The following DNAJC18 variants were observed in gnomAD, a reference collection of about 807,000 sequenced individuals.
DNAJC18 encodes dnaJ homolog subfamily C member 18.
DNAJC18 carries 40 observed loss-of-function variants against 48.6 expected under a neutral mutation model. That is an observed-to-expected ratio of 0.82 (90% CI 0.64 to 1.07). The LOEUF is 1.07. Ranked by LOEUF, DNAJC18 falls within the 50% of genes least tolerant of loss-of-function variation. DNAJC18 has a pLI of 0.00. For missense variants in DNAJC18, 340 were observed against 427.7 expected (o/e 0.79, Z 1.81); for synonymous variants, 135 against 152.2 (o/e 0.89, Z 0.83).
chr5:139,425,132 G>A lies in DNAJC18; in HGVS notation c.560-18C>T, dbSNP rs1256498916. On this transcript the variant is annotated intron_variant, in intron 4 of 7. Transcript: ENST00000302060. ...AATATTTCCTGGAAAAGAAATACATGGTATGGGATATGGCAAACACTCCTT... is the reference window on the plus strand; with the variant it reads ...AATATTTCCTGGAAAAGAAATACATAGTATGGGATATGGCAAACACTCCTT... 6.3e-7 allele frequency: 1 copy of A among 1,595,412 alleles called. No individual in the cohort carries two copies. The highest frequency in any genetic ancestry group is 1.7e-5 in the Admixed American group (1 of 59,782).
chr5:139,417,568 A>ATT (rs762169642), intron 7 of DNAJC18, among the ~76,000 whole-genome samples: 17 of 114,476 alleles, frequency 1.5e-4, no homozygotes, highest in Admixed American at 1.8e-4. Context: ...TACTCACTGG[A>ATT]TTTTTTTTTT....
Position 139,439,260 on chromosome 5 carries a change from C to G in DNAJC18, c.40+146G>C, listed in dbSNP as rs1051169522. 19 of 1,351,978 alleles carry G rather than the reference C, an allele frequency of 1.4e-5. No homozygotes were observed. Among genetic ancestry groups the G allele is most frequent in the Non-Finnish European group, 1.8e-5 (17 of 969,216 alleles). 83.7% of individuals were successfully genotyped at this position (1,351,978 alleles called of 1,614,324 possible). The stretch of plus-strand genomic sequence containing the variant: ...GTCCCCAGCTTCCCTACCCCATCCG[C>G]AACCCTACTCAGGCTCAGCATCTTT... On this transcript the variant is annotated intron_variant, in intron 1 of 7. Coordinates refer to ENST00000302060, the MANE Select transcript of DNAJC18 (RefSeq NM_152686.4). This position sits in a 1 kb window ranked among gnomAD's most constrained non-coding sequence, Gnocchi z 4.1.
At chr5:139,422,127 T>C (rs375361436) in intron 6 of DNAJC18, among the ~76,000 whole-genome samples, 223 of 152,266 alleles carry the variant, frequency 1.5e-3, no homozygotes, top group African/African-American at 4.9e-3. Context: ...AATCTGCCTT[T>C]CTAACATGTT....
At chr5:139,437,669 T>C in intron 1 of DNAJC18, 111 bp from the exon 2 acceptor site, 4 of 1,285,904 alleles carry the variant, frequency 3.1e-6, no homozygotes, top group Non-Finnish European at 4.2e-6. Flanking sequence ...GTAAGCATGA[T>C]GGCCAGGGCT....
rs1759017562 is a variant in DNAJC18 at position 139,413,091 on chromosome 5, G to GA, written c.*1056dup. The stretch of plus-strand genomic sequence containing the variant: ...CAGAGTTGTGAGGAGGTTTAAGTAA[G>GA]AAAATATGTGTGAGAGCCCCTGCTT... On this transcript the variant is annotated 3_prime_UTR_variant, in exon 8 of 8. Transcript: ENST00000302060. The GA allele has an allele frequency of 2.5e-6, 1 of 395,722 alleles. No individual in the cohort carries two copies. The highest frequency in any genetic ancestry group is 4.4e-5 in the Admixed American group (1 of 22,654). 24.5% of individuals were successfully genotyped at this position (395,722 alleles called of 1,614,324 possible).
At chr5:139,418,958 C>A in intron 7 of DNAJC18, 1 of 429,940 alleles carries the variant, frequency 2.3e-6, no homozygotes, top group Non-Finnish European at 4.7e-6. Context: ...GCAGGCTGAA[C>A]AAAGTGCTTT....
chr5:139,438,960 A>C (rs538465494), intron 1 of DNAJC18, among the ~76,000 whole-genome samples: 1 of 152,174 alleles, frequency 6.6e-6, no homozygotes, highest in African/African-American at 2.4e-5. Flanking sequence ...TATTGGATCA[A>C]TATTTTTTGC....
Position 139,439,273 on chromosome 5 carries a change from G to T in DNAJC18, c.40+133C>A. On this transcript the variant is annotated intron_variant, in intron 1 of 7. Coordinates refer to ENST00000302060, the MANE Select transcript of DNAJC18 (RefSeq NM_152686.4). The surrounding 1 kb of genome is among the most constrained non-coding windows in gnomAD (Gnocchi z 4.1). ...CTACCCCATCCGCAACCCTACTCAG[G>T]CTCAGCATCTTTTCACAGGCCTCTA... is the stretch of plus-strand genomic sequence containing the variant. The T allele has an allele frequency of 7.0e-7, 1 of 1,431,072 alleles. No individual in the cohort carries two copies. The highest frequency in any genetic ancestry group is 9.7e-7 in the Non-Finnish European group (1 of 1,034,270). 88.6% of individuals were successfully genotyped at this position (1,431,072 alleles called of 1,614,324 possible).
At chr5:139,435,535 G>A in intron 2 of DNAJC18, among the ~76,000 whole-genome samples, 1 of 151,830 alleles carries the variant, frequency 6.6e-6, no homozygotes, top group East Asian at 1.9e-4. Flanking sequence ...TTTTTACATT[G>A]CTGTATTTGT....
At chr5:139,423,070 G>C (rs751776631) in intron 5 of DNAJC18, among the ~76,000 whole-genome samples, 10 of 152,132 alleles carry the variant, frequency 6.6e-5, no homozygotes, top group East Asian at 1.9e-4. Flanking sequence ...CTGACCTCGT[G>C]ATCTGCCCAC....
chr5:139,422,356 C>A (rs1425358040), intron 6 of DNAJC18, among the ~76,000 whole-genome samples: 1 of 152,164 alleles, frequency 6.6e-6, no homozygotes, highest in East Asian at 1.9e-4. Flanking sequence ...CCCACAGGGT[C>A]CAGCAATCCT....
Position 139,428,429 on chromosome 5 carries a change from G to GA in DNAJC18, c.373+108dup, listed in dbSNP as rs1205461207. The GA allele has an allele frequency of 4.8e-5, 68 of 1,431,438 alleles. No individual in the cohort carries two copies. The East Asian group carries it at 1.0e-3, about 22-fold the overall frequency. The allele number at this position is 1,431,438 out of a possible 1,614,324, so 88.7% of individuals were successfully genotyped here. A position where few individuals can be genotyped will look rare whatever the true frequency, so the allele number is the denominator to read the frequency against. On this transcript the variant is annotated intron_variant, in intron 3 of 7. Transcript: ENST00000302060. Reference sequence around the variant, plus strand: ...CACTATTTAAGAGGTGTGGCAGGGGGAAAAAACCCTCCTTATGGCCTTATA... The same window carrying GA: ...CACTATTTAAGAGGTGTGGCAGGGGGAAAAAAACCCTCCTTATGGCCTTATA...
chr5:139,411,011 T>C lies in DNAJC18; in HGVS notation c.*3137A>G, dbSNP rs948870034. ...CTGGAACTCCTGACCTCAAATGATC[T>C]GCCTGCCTCAGCCTTTCAAAGTGCT... is the stretch of plus-strand genomic sequence containing the variant. On this transcript the variant is annotated 3_prime_UTR_variant, in exon 8 of 8. Transcript: ENST00000302060. The C allele has an allele frequency of 6.6e-6, 1 of 152,280 alleles. No homozygotes were observed. The highest frequency in any genetic ancestry group is 1.5e-5 in the Non-Finnish European group (1 of 68,094). The allele number at this position is 152,280 out of a possible 1,614,324, so 9.4% of individuals were successfully genotyped here.
In DNAJC18 at chr5:139,435,705, G is replaced by GTTTTTTTTTTTTT. The variant is rs377125785; in HGVS notation, c.227+1654_227+1666dup. Reference sequence around the variant, plus strand: ...GGGCCTGGACTTTTCTTCATTGGAAGTTTTTTTTTTTTTTTTTTTTTTTTT... The same window carrying GTTTTTTTTTTTTT: ...GGGCCTGGACTTTTCTTCATTGGAAGTTTTTTTTTTTTTTTTTTTTTTTTTTTTTTTTTTTTTT... On this transcript the variant is annotated intron_variant, in intron 2 of 7. Coordinates refer to ENST00000302060, the MANE Select transcript of DNAJC18 (RefSeq NM_152686.4). Among the ~76,000 whole-genome samples the GTTTTTTTTTTTTT allele has an allele frequency of 6.9e-3, 286 of 41,184 alleles. 88 individuals are homozygous for GTTTTTTTTTTTTT. Among genetic ancestry groups the GTTTTTTTTTTTTT allele is most frequent in the African/African-American group, 0.013 (120 of 8,978 alleles). 27.0% of individuals were successfully genotyped at this position (41,184 alleles called of 152,430 possible). A position where few individuals can be genotyped will look rare whatever the true frequency, so the allele number is the denominator to read the frequency against.
At chr5:139,434,221 T>C (rs2152085065) in intron 2 of DNAJC18, among the ~76,000 whole-genome samples, 2 of 152,326 alleles carry the variant, frequency 1.3e-5, no homozygotes, top group Non-Finnish European at 2.9e-5. Flanking sequence ...TTCCAATGTA[T>C]TTATCTTTTA....
intron 4 of DNAJC18, 37 bp from the exon 5 acceptor site, chr5:139,425,151 ACTC>A: frequency 1.3e-6 from 2 of 1,543,458 alleles, no homozygotes; most frequent in Non-Finnish European, 1.8e-6. Context: ...TATGGCAAAC[ACTC>A]CTTCCCTGCC....
intron 3 of DNAJC18, among the ~76,000 whole-genome samples, chr5:139,427,097 G>A (rs1759256978): frequency 6.6e-6 from 1 of 152,134 alleles, no homozygotes; most frequent in Admixed American, 6.5e-5. Context: ...ATTTTAACTT[G>A]TAGTCCAAAA....
At position 139,413,103 on chromosome 5, in the gene DNAJC18, G is replaced by C. The variant is rs1759017711; in HGVS notation, c.*1045C>G. 1 of 393,936 alleles carries C rather than the reference G, an allele frequency of 2.5e-6. No individual in the cohort carries two copies. The highest frequency in any genetic ancestry group is 2.1e-5 in the African/African-American group (1 of 48,570). 24.4% of individuals were successfully genotyped at this position (393,936 alleles called of 1,614,324 possible). A position where few individuals can be genotyped will look rare whatever the true frequency, so the allele number is the denominator to read the frequency against. On this transcript the variant is annotated 3_prime_UTR_variant, in exon 8 of 8. Coordinates refer to ENST00000302060, the MANE Select transcript of DNAJC18 (RefSeq NM_152686.4). ...GAGGTTTAAGTAAGAAAATATGTGTGAGAGCCCCTGCTTTTATAGTAGGCA... is the reference window on the plus strand; with the variant it reads ...GAGGTTTAAGTAAGAAAATATGTGTCAGAGCCCCTGCTTTTATAGTAGGCA...
At chr5:139,420,251 G>T in intron 6 of DNAJC18, 26 bp from the exon 7 acceptor site, 1 of 1,584,522 alleles carries the variant, frequency 6.3e-7, no homozygotes, top group Non-Finnish European at 8.5e-7. Flanking sequence ...AGAGGCTCAT[G>T]TGAGCTCATA....
Sources: allele counts gnomAD v4.1 joint callset (sites outside exome capture counted in the v4.1 genomes callset), GRCh38; gene constraint gnomAD v4.1.1; non-coding constraint Gnocchi (gnomAD v3.1); transcripts MANE v1.5; gene names NCBI Gene and HGNC (gene_info 2026-07-23, HGNC 2026-07-21).